The following ASIC5 variants were observed in gnomAD, a reference collection of about 807,000 sequenced individuals.
ASIC5 encodes the protein acid sensing ion channel subunit family member 5.
ASIC5 carries 52 observed loss-of-function variants against 51.2 expected under a neutral mutation model. The ratio of observed to expected loss-of-function variants is 1.02; its 90% confidence interval spans 0.81 to 1.28. ASIC5 has a LOEUF of 1.28. ASIC5 is among the 50% of genes most tolerant of loss of function. The pLI, the probability that ASIC5 is intolerant of heterozygous loss-of-function variation, is 0.00. For synonymous variants in ASIC5, 231 were observed against 200.7 expected, an observed-to-expected ratio of 1.15 and a Z score of -1.28; for missense variants, 635 against 595.0, an observed-to-expected ratio of 1.07 and a Z score of -0.70.
chr4:155,846,995 G>T (rs1384883591), intron 4 of ASIC5, among the ~76,000 whole-genome samples: 1 of 152,058 alleles, frequency 6.6e-6, no homozygotes, highest in East Asian at 1.9e-4. Flanking sequence ...AAATAAGGAG[G>T]TTTTTTTGTG....
In ASIC5 at chr4:155,836,744, G is replaced by C; in HGVS notation, c.1180C>G (p.Gln394Glu). ...TTGGAAAGATATTTCAAAGCTTTTT[G>C]ACTTGGAAAAGAGGAATAAGAAATA... ...ATISYSSFPS[Q>E]KALKYLSKKL... The change falls in exon 8 of 10, where the codon CAA (glutamine) becomes GAA (glutamate). Residue 394 changes from glutamine to glutamate, a missense_variant. Gln to Glu is a conservative substitution (Grantham distance 29, BLOSUM62 2). Transcript: ENST00000537611. 6.2e-7 allele frequency: 1 copy of C among 1,611,198 alleles called. No individual in the cohort carries two copies. The highest frequency in any genetic ancestry group is 8.5e-7 in the Non-Finnish European group (1 of 1,177,840).
chr4:155,858,369 A>T (rs900109422), intron 2 of ASIC5, among the ~76,000 whole-genome samples: 6 of 152,140 alleles, frequency 3.9e-5, no homozygotes, highest in Non-Finnish European at 7.4e-5. Context: ...AATCAATTAC[A>T]AGTAAAACTA....
At chr4:155,850,912 A>C (rs1007382565) in intron 4 of ASIC5, among the ~76,000 whole-genome samples, 1 of 152,038 alleles carries the variant, frequency 6.6e-6, no homozygotes, top group Non-Finnish European at 1.5e-5. Flanking sequence ...GGCTATAAGA[A>C]GAAGGCACAG....
rs746756619 is a variant in ASIC5, at chr4:155,854,268, A to G, written c.394T>C (p.Trp132Arg). ...TGGAGGACTTTGGATACAATGTGCC[A>G]TAAGAAAAAAATAACACCAAATTTG... ...VAKFGVIFFL[W>R]HIVSKVLHLQ... is the part of the protein sequence containing the mutation. The change falls in exon 3 of 10, where the codon TGG becomes CGG. Residue 132 changes from tryptophan to arginine, a missense_variant. Coordinates refer to ENST00000537611, the MANE Select transcript of ASIC5 (RefSeq NM_017419.3). 6 of 1,613,100 alleles carry G rather than the reference A, an allele frequency of 3.7e-6. No homozygotes were observed. The East Asian group carries it at 1.3e-4, about 36-fold the overall frequency.
chr4:155,851,316 C>T (rs1563804), intron 4 of ASIC5, among the ~76,000 whole-genome samples: 98,460 of 151,828 alleles, frequency 0.65, 34,309 homozygotes, highest in East Asian at 0.79. Context: ...AGAAAAATAT[C>T]TTGAATGGGA....
intron 2 of ASIC5, 97 bp downstream of exon 2, chr4:155,863,351 A>T (rs181395473): frequency 1.4e-5 from 14 of 983,128 alleles, no homozygotes; most frequent in Non-Finnish European, 2.1e-5. Flanking sequence ...TTTACATATG[A>T]TAAGTTCCAC....
chr4:155,862,561 T>C (rs2013511), intron 2 of ASIC5, among the ~76,000 whole-genome samples: 148,546 of 152,220 alleles, frequency 0.98, 72,514 homozygotes, highest in East Asian at 1. Flanking sequence ...CAAAGCATTG[T>C]CTGGAAGCCT....
intron 2 of ASIC5, among the ~76,000 whole-genome samples, chr4:155,863,244 A>AAT (rs1741759937): frequency 6.6e-6 from 1 of 152,120 alleles, no homozygotes; most frequent in Admixed American, 6.6e-5. Flanking sequence ...GGAAGGAAGA[A>AAT]AAGATGGAAA....
At chr4:155,858,401 G>A (rs1237804784) in intron 2 of ASIC5, among the ~76,000 whole-genome samples, 1 of 152,006 alleles carries the variant, frequency 6.6e-6, no homozygotes, top group Non-Finnish European at 1.5e-5. Flanking sequence ...CTGTGCTATG[G>A]AACATCAATA....
At chr4:155,863,348 A>G (rs1287450084) in intron 2 of ASIC5, 100 bp downstream of exon 2, 1 of 943,240 alleles carries the variant, frequency 1.1e-6, no homozygotes, top group Admixed American at 2.8e-5. Flanking sequence ...GGTTTTACAT[A>G]TGATAAGTTC....
At chr4:155,859,435 A>G (rs1204118912) in intron 2 of ASIC5, among the ~76,000 whole-genome samples, 1 of 151,990 alleles carries the variant, frequency 6.6e-6, no homozygotes, top group African/African-American at 2.4e-5. Context: ...TACACTTGGT[A>G]TAGGGTCCTG....
chr4:155,857,272 C>T (rs1741567907), intron 2 of ASIC5, among the ~76,000 whole-genome samples: 1 of 151,950 alleles, frequency 6.6e-6, no homozygotes, highest in African/African-American at 2.4e-5. Context: ...TACAGGTGTA[C>T]ACCACCATGC....
chr4:155,849,084 C>T (rs2111249603), intron 4 of ASIC5, among the ~76,000 whole-genome samples: 1 of 152,200 alleles, frequency 6.6e-6, no homozygotes, highest in South Asian at 2.1e-4. Context: ...ATTGGAGAAA[C>T]TGGTTATTTT....
chr4:155,842,398 C>T (rs1165084469), intron 5 of ASIC5, 44 bp from the exon 6 acceptor site: 1 of 1,492,166 alleles, frequency 6.7e-7, no homozygotes, highest in African/African-American at 1.4e-5. Context: ...GTGTTTACAT[C>T]AATTCACTTA....
intron 5 of ASIC5, among the ~76,000 whole-genome samples, chr4:155,842,959 G>A (rs1199103542): frequency 6.6e-6 from 1 of 152,114 alleles, no homozygotes; most frequent in Non-Finnish European, 1.5e-5. Flanking sequence ...AGGAACATGA[G>A]AGGCCAGGCT....
chr4:155,861,239 G>A (rs969047360), intron 2 of ASIC5, among the ~76,000 whole-genome samples: 1 of 151,894 alleles, frequency 6.6e-6, no homozygotes, highest in Non-Finnish European at 1.5e-5. Flanking sequence ...TTGTTGAGTA[G>A]AGTGTTCTAA....
intron 2 of ASIC5, among the ~76,000 whole-genome samples, chr4:155,861,886 T>C (rs1741716666): frequency 6.6e-6 from 1 of 152,204 alleles, no homozygotes; most frequent in Middle Eastern, 3.4e-3. Flanking sequence ...TAGTGCAGTA[T>C]AACCTCAACT....
intron 2 of ASIC5, among the ~76,000 whole-genome samples, chr4:155,857,502 A>G (rs538194016): frequency 6.6e-6 from 1 of 152,192 alleles, no homozygotes; most frequent in Non-Finnish European, 1.5e-5. Context: ...AATTTGACTT[A>G]CTCTAATTTA....
rs111620707 is a variant in ASIC5, at chr4:155,854,071, C to G, written c.585+6G>C. 4.4e-6 allele frequency: 7 copies of G among 1,584,050 alleles called. No individual in the cohort carries two copies. Among genetic ancestry groups the G allele is most frequent in the African/African-American group, 2.7e-5 (2 of 73,996 alleles). The stretch of plus-strand genomic sequence containing the variant: ...TGATTATATTTGAAGAATAGAAAAT[C>G]GTTACCTTTGGGCTACATGGCTTTC... On this transcript the variant is annotated splice_donor_region_variant and intron_variant, in intron 3 of 9. Coordinates refer to ENST00000537611, the MANE Select transcript of ASIC5 (RefSeq NM_017419.3).
Sources: allele counts gnomAD v4.1 joint callset (sites outside exome capture counted in the v4.1 genomes callset), GRCh38; gene constraint gnomAD v4.1.1; transcripts MANE v1.5; gene names NCBI Gene and HGNC (gene_info 2026-07-23, HGNC 2026-07-21).